Variants in HTR2A observed in about 807,000 individuals in gnomAD.
HTR2A encodes 5-HT2 receptor.
Under a neutral mutation model 31.0 loss-of-function variants are expected in HTR2A, and 14 were observed. That is an observed-to-expected ratio of 0.45 (90% CI 0.30 to 0.71). HTR2A has a LOEUF of 0.71. Ranked by LOEUF, HTR2A falls within the 30% of genes least tolerant of loss-of-function variation. HTR2A has a pLI of 0.09. For missense variants in HTR2A, 442 were observed against 573.3 expected, an observed-to-expected ratio of 0.77 and a Z score of 2.34; for synonymous variants, 209 against 225.2, an observed-to-expected ratio of 0.93 and a Z score of 0.64.
chr13:46,879,430 T>C (rs1480831344), intron 3 of HTR2A, among the ~76,000 whole-genome samples: 1 of 152,174 alleles, frequency 6.6e-6, no homozygotes. Flanking sequence ...CTGCAGCCAA[T>C]GTTGCTTTGC....
chr13:46,835,679 T>A (rs1876430202), intron 3 of HTR2A, 40 bp from the exon 4 acceptor site: 1 of 1,475,546 alleles, frequency 6.8e-7, no homozygotes, highest in Non-Finnish European at 9.3e-7. Context: ...TATTAAGGAA[T>A]TAAGTATATG....
chr13:46,895,110 G>A lies in HTR2A; in HGVS notation c.412+385C>T, dbSNP rs1234831836. The stretch of plus-strand genomic sequence containing the variant: ...TTCTGTCCTGAAGGCTGGAATATTG[G>A]TTGGGAATATAAAGAAGCAAAAATC... On this transcript the variant is annotated intron_variant, in intron 2 of 3. Transcript: ENST00000542664. The surrounding 1 kb of genome is among the most constrained non-coding windows in gnomAD (Gnocchi z 4.4). Among the ~76,000 whole-genome samples, 2 of 152,172 alleles carry A rather than the reference G, an allele frequency of 1.3e-5. No individual in the cohort carries two copies. The highest frequency in any genetic ancestry group is 2.4e-5 in the African/African-American group (1 of 41,434).
intron 3 of HTR2A, among the ~76,000 whole-genome samples, chr13:46,845,940 C>T (rs1019714946): frequency 3.3e-5 from 5 of 152,160 alleles, no homozygotes; most frequent in African/African-American, 1.2e-4. Flanking sequence ...TTTTACTATA[C>T]CTTTTCTGAT....
chr13:46,833,238 C>G lies in HTR2A; in HGVS notation c.*1599G>C, dbSNP rs1368826062. On this transcript the variant is annotated 3_prime_UTR_variant, in exon 4 of 4. Coordinates refer to ENST00000542664, the MANE Select transcript of HTR2A (RefSeq NM_000621.5). ...TCAGGAAAACTTATTTTTAAAACTA[C>G]TCTCACAGTTGAAACAAACTTGTTT... 6.6e-6 allele frequency: 1 copy of G among 152,132 alleles called. No homozygotes were observed. The highest frequency in any genetic ancestry group is 1.5e-5 in the Non-Finnish European group (1 of 68,022). The allele number at this position is 152,132 out of a possible 1,614,324, so 9.4% of individuals were successfully genotyped here.
intron 3 of HTR2A, among the ~76,000 whole-genome samples, chr13:46,842,252 G>A (rs190588147): frequency 1.1e-4 from 17 of 152,080 alleles, no homozygotes; most frequent in Non-Finnish European, 1.3e-4. Flanking sequence ...ATTTAGCAAC[G>A]TGCTCATGAG....
chr13:46,884,099 T>C (rs1385514414), intron 3 of HTR2A, among the ~76,000 whole-genome samples: 1 of 152,250 alleles, frequency 6.6e-6, no homozygotes, highest in East Asian at 1.9e-4. Context: ...CTTTGACCCA[T>C]GATGCAGTTA....
chr13:46,880,648 G>A (rs1272544233), intron 3 of HTR2A, among the ~76,000 whole-genome samples: 1 of 152,038 alleles, frequency 6.6e-6, no homozygotes, highest in East Asian at 1.9e-4. Context: ...AGACTAGCCT[G>A]ACTAACATGG....
chr13:46,836,688 C>T (rs1419804116), intron 3 of HTR2A, among the ~76,000 whole-genome samples: 1 of 152,136 alleles, frequency 6.6e-6, no homozygotes, highest in African/African-American at 2.4e-5. Context: ...CTTGTTTCAT[C>T]CATATGTCCT....
chr13:46,887,169 C>T (rs567563736), intron 3 of HTR2A, among the ~76,000 whole-genome samples: 1 of 152,062 alleles, frequency 6.6e-6, no homozygotes, highest in Admixed American at 6.5e-5. Context: ...CCTGTAATCC[C>T]GGCACTTTGG....
chr13:46,841,371 T>C (rs146516821), intron 3 of HTR2A, among the ~76,000 whole-genome samples: 288 of 152,230 alleles, frequency 1.9e-3, no homozygotes, highest in Non-Finnish European at 3.0e-3. Flanking sequence ...TAGCCAGACA[T>C]TAAATTCATT....
At chr13:46,871,091 C>T (rs1375667505) in intron 3 of HTR2A, among the ~76,000 whole-genome samples, 4 of 152,280 alleles carry the variant, frequency 2.6e-5, no homozygotes, top group South Asian at 2.1e-4. Context: ...AATATAGACA[C>T]GTGCCTGCAT....
At chr13:46,868,914 C>G (rs1950841667) in intron 3 of HTR2A, among the ~76,000 whole-genome samples, 1 of 151,880 alleles carries the variant, frequency 6.6e-6, no homozygotes, top group Non-Finnish European at 1.5e-5. Context: ...TTTTAAAATT[C>G]CCAGATATAT....
chr13:46,872,804 CAG>C (rs1950873996), intron 3 of HTR2A, among the ~76,000 whole-genome samples: 2 of 152,202 alleles, frequency 1.3e-5, no homozygotes, highest in South Asian at 4.1e-4. Context: ...CAGTGCTTCT[CAG>C]AGTGTCCCAA....
At chr13:46,838,971 CACACAT>C (rs974283039) in intron 3 of HTR2A, among the ~76,000 whole-genome samples, 3 of 133,788 alleles carry the variant, frequency 2.2e-5, no homozygotes, top group Admixed American at 7.8e-5. Flanking sequence ...TGGTTGGACA[CACACAT>C]ACACACACAC....
chr13:46,886,534 CAT>C (rs1441336894), intron 3 of HTR2A, among the ~76,000 whole-genome samples: 1 of 152,038 alleles, frequency 6.6e-6, no homozygotes, highest in Non-Finnish European at 1.5e-5. Flanking sequence ...GCTACAAAAA[CAT>C]ATTAAAAATG....
chr13:46,852,312 T>G (rs944955054), intron 3 of HTR2A: 2 of 152,326 alleles, frequency 1.3e-5, no homozygotes, highest in African/African-American at 4.8e-5. Flanking sequence ...ACTAAGGAGC[T>G]GGCACACATT....
At chr13:46,843,424 A>C (rs1950615336) in intron 3 of HTR2A, among the ~76,000 whole-genome samples, 1 of 152,126 alleles carries the variant, frequency 6.6e-6, no homozygotes, top group East Asian at 1.9e-4. Context: ...TCTCTGTTAG[A>C]GTGAGAGGTC....
At chr13:46,876,822 A>T (rs1266829795) in intron 3 of HTR2A, among the ~76,000 whole-genome samples, 1 of 152,174 alleles carries the variant, frequency 6.6e-6, no homozygotes, top group East Asian at 1.9e-4. Flanking sequence ...ATGCTTGTAT[A>T]GTCCCTTATC....
At chr13:46,881,750 G>GA (rs1950965729) in intron 3 of HTR2A, among the ~76,000 whole-genome samples, 1 of 152,152 alleles carries the variant, frequency 6.6e-6, no homozygotes, top group Non-Finnish European at 1.5e-5. Flanking sequence ...CATAAACCTG[G>GA]AGGGTCCCAG....
Sources: allele counts gnomAD v4.1 joint callset (sites outside exome capture counted in the v4.1 genomes callset), GRCh38; gene constraint gnomAD v4.1.1; non-coding constraint Gnocchi (gnomAD v3.1); transcripts MANE v1.5; gene names NCBI Gene and HGNC (gene_info 2026-07-23, HGNC 2026-07-21).